The following INTS2 variants were observed in gnomAD, a reference collection of about 807,000 sequenced individuals.
The protein encoded by INTS2 is KIAA1287.
In INTS2, 57 loss-of-function variants were observed where a neutral mutation model predicts 139.6. The observed-to-expected ratio is 0.41, with a 90% CI of 0.33 to 0.51. INTS2 has a LOEUF of 0.51. INTS2 is among the 20% of genes least tolerant of loss of function. INTS2 has a pLI of 0.28. For missense variants in INTS2, 1,196 were observed against 1,436.7 expected (o/e 0.83, Z 2.71); for synonymous variants, 473 against 493.4 (o/e 0.96, Z 0.55).
rs2079098971 is a variant in INTS2 at position 61,872,724 on chromosome 17, C to T, written c.2583-264G>A. 6.6e-6 allele frequency among the ~76,000 whole-genome samples: 1 copy of T among 151,838 alleles called. No individual in the cohort carries two copies. Among genetic ancestry groups the T allele is most frequent in the Non-Finnish European group, 1.5e-5 (1 of 67,938 alleles). On this transcript the variant is annotated intron_variant, in intron 19 of 24. Transcript: ENST00000251334. This position sits in a 1 kb window ranked among gnomAD's most constrained non-coding sequence, Gnocchi z 4.8. Reference sequence around the variant, plus strand: ...ATGTAAATTCTAAAGAAAAGATGACCGGGTGCGGGCAAAACAATATTGCAT... The same window carrying T: ...ATGTAAATTCTAAAGAAAAGATGACTGGGTGCGGGCAAAACAATATTGCAT...
chr17:61,869,371 A>G lies in INTS2; in HGVS notation c.3040T>C (p.Cys1014Arg), dbSNP rs771060586. Residue 1014 changes from cysteine to arginine, a missense_variant, in exon 22 of 25, where the codon TGT becomes CGT. Coordinates refer to ENST00000251334, the MANE Select transcript of INTS2 (RefSeq NM_001351695.2). The surrounding 1 kb of genome is among the most constrained non-coding windows in gnomAD (Gnocchi z 5.4). ...AKLVHFQGYP[C>R]ELLPLTVAGI... ...GCGACCGTCAGAGGCAAAAGTTCAC[A>G]TGGATAACCCTATCTCAACAAGAAA... 1.5e-5 allele frequency: 24 copies of G among 1,598,040 alleles called. No individual in the cohort carries two copies. Among genetic ancestry groups the G allele is most frequent in the African/African-American group, 5.4e-5 (4 of 74,566 alleles).
chr17:61,927,946 C>G lies in INTS2; in HGVS notation c.-311G>C. The G allele has an allele frequency of 1.2e-6, 2 of 1,613,972 alleles. No individual in the cohort carries two copies. Among genetic ancestry groups the G allele is most frequent in the Non-Finnish European group, 1.7e-6 (2 of 1,179,880 alleles). On this transcript the variant is annotated 5_prime_UTR_variant, in exon 1 of 25. Transcript: ENST00000251334. ...CCTGCACCCAGCACCTTCATTCATCCCCAGCGTCTGACTCCCGTCGGCCAC... is the reference window on the plus strand; with the variant it reads ...CCTGCACCCAGCACCTTCATTCATCGCCAGCGTCTGACTCCCGTCGGCCAC...
At position 61,869,344 on chromosome 17, in the gene INTS2, C is replaced by T; in HGVS notation, c.3067G>A (p.Gly1023Ser). The T allele has an allele frequency of 1.2e-6, 2 of 1,606,956 alleles. No homozygotes were observed. Among genetic ancestry groups the T allele is most frequent in the East Asian group, 2.2e-5 (1 of 44,644 alleles). The part of the protein sequence containing the change: ...PCELLPLTVA[G>S]IPSMHICLDF... Reference sequence around the variant, plus strand: ...AGACAGATGTGCATAGATGGAATACCTGCGACCGTCAGAGGCAAAAGTTCA... The same window carrying T: ...AGACAGATGTGCATAGATGGAATACTTGCGACCGTCAGAGGCAAAAGTTCA... Residue 1023 changes from glycine (G) to serine (S), a missense_variant, in exon 22 of 25, where the codon GGT (glycine) becomes AGT (serine). Coordinates refer to ENST00000251334, the MANE Select transcript of INTS2 (RefSeq NM_001351695.2). This position sits in a 1 kb window ranked among gnomAD's most constrained non-coding sequence, Gnocchi z 5.4.
chr17:61,913,356 A>T (rs2143119339), intron 5 of INTS2, among the ~76,000 whole-genome samples: 1 of 152,100 alleles, frequency 6.6e-6, no homozygotes, highest in Admixed American at 6.5e-5. Flanking sequence ...AAAAAAACAA[A>T]AAAAAAGGAG....
intron 15 of INTS2, among the ~76,000 whole-genome samples, chr17:61,888,550 CGTGT>C (rs1254835230): frequency 6.1e-4 from 80 of 132,028 alleles, no homozygotes; most frequent in African/African-American, 2.4e-3. Context: ...TCTCTGTGTG[CGTGT>C]GTGTGCGTGC....
rs1219917515 is a variant in INTS2, at chr17:61,893,251, A to G, written c.1698+514T>C. Among the ~76,000 whole-genome samples the G allele has an allele frequency of 6.6e-6, 1 of 152,144 alleles. No individual in the cohort carries two copies. The highest frequency in any genetic ancestry group is 1.9e-4 in the East Asian group (1 of 5,208). On this transcript the variant is annotated intron_variant, in intron 13 of 24. Transcript: ENST00000251334. The surrounding 1 kb of genome is among the most constrained non-coding windows in gnomAD (Gnocchi z 5.4). Reference sequence around the variant, plus strand: ...AAATCTGAAATTACTGTATAATTATATAATTATAATTACTATCCCTAATTA... The same window carrying G: ...AAATCTGAAATTACTGTATAATTATGTAATTATAATTACTATCCCTAATTA...
chr17:61,881,047 A>T lies in INTS2; in HGVS notation c.2214T>A (p.Thr738=), dbSNP rs774013779. 6.2e-6 allele frequency: 10 copies of T among 1,613,790 alleles called. No homozygotes were observed. The East Asian group carries it at 2.2e-4, about 36-fold the overall frequency. Residue 738 remains threonine, a synonymous_variant, in exon 17 of 25, where the codon ACT becomes ACA. Coordinates refer to ENST00000251334, the MANE Select transcript of INTS2 (RefSeq NM_001351695.2). ...TDALLRRMLL[T]NNAKNHSPKQ... is the part of the protein sequence containing the mutation. ...TGGGAGAATGATTTTTAGCATTATT[A>T]GTCAGGAGCATTCGCCGTAGCAGGG...
chr17:61,885,603 A>G (rs8078342), intron 15 of INTS2, among the ~76,000 whole-genome samples: 18,395 of 151,820 alleles, frequency 0.12, 3,744 homozygotes, highest in African/African-American at 0.42. Context: ...TATTTTTAGT[A>G]GAGACAGCAT....
rs2079130768 is a variant in INTS2 at position 61,876,748 on chromosome 17, A to G, written c.2456+1139T>C. Among the ~76,000 whole-genome samples, 1 of 152,128 alleles carries G rather than the reference A, an allele frequency of 6.6e-6. No homozygotes were observed. Among genetic ancestry groups the G allele is most frequent in the South Asian group, 2.1e-4 (1 of 4,824 alleles). On this transcript the variant is annotated intron_variant, in intron 18 of 24. Coordinates refer to ENST00000251334, the MANE Select transcript of INTS2 (RefSeq NM_001351695.2). The surrounding 1 kb of genome is among the most constrained non-coding windows in gnomAD (Gnocchi z 4.1). ...GTGGGCCAGTGCACCCAGCCAAAAAAATGTTAATGATACATTATCTGATGT... is the reference window on the plus strand; with the variant it reads ...GTGGGCCAGTGCACCCAGCCAAAAAGATGTTAATGATACATTATCTGATGT...
At chr17:61,891,744 C>A (rs961961851) in intron 13 of INTS2, 55 bp from the exon 14 acceptor site, 8 of 1,292,674 alleles carry the variant, frequency 6.2e-6, no homozygotes, top group South Asian at 2.9e-5. Flanking sequence ...AAAAACCAAG[C>A]AAAATTATAA....
At chr17:61,896,430 A>C (rs1324783036) in intron 11 of INTS2, among the ~76,000 whole-genome samples, 1 of 152,138 alleles carries the variant, frequency 6.6e-6, no homozygotes, top group East Asian at 1.9e-4. Context: ...TCAAGAAAAA[A>C]GTAGGAGTTG....
intron 9 of INTS2, among the ~76,000 whole-genome samples, chr17:61,898,283 A>C (rs1437539743): frequency 6.6e-6 from 1 of 152,138 alleles, no homozygotes; most frequent in East Asian, 1.9e-4. Flanking sequence ...CCAGATATGA[A>C]AAATGGCTAT....
intron 3 of INTS2, among the ~76,000 whole-genome samples, chr17:61,923,477 C>CAAAA (rs933124889): frequency 4.2e-4 from 13 of 30,650 alleles, no homozygotes; most frequent in African/African-American, 1.2e-3. Flanking sequence ...ACTCTGTCTC[C>CAAAA]AAAAAAAAAA....
intron 2 of INTS2, among the ~76,000 whole-genome samples, chr17:61,925,883 G>A (rs1490061585): frequency 2.2e-4 from 33 of 151,870 alleles, no homozygotes; most frequent in Admixed American, 2.0e-3. Flanking sequence ...AAAATTAGCC[G>A]GGCATGGTGG....
intron 9 of INTS2, among the ~76,000 whole-genome samples, chr17:61,901,470 T>A (rs2143042594): frequency 7.0e-6 from 1 of 142,334 alleles, no homozygotes; most frequent in African/African-American, 2.7e-5. Context: ...CAATAGACAC[T>A]ACAAAGAAGA....
chr17:61,892,682 T>C (rs1174586260), intron 13 of INTS2, among the ~76,000 whole-genome samples: 1 of 151,572 alleles, frequency 6.6e-6, no homozygotes, highest in Non-Finnish European at 1.5e-5. Flanking sequence ...CGGTGGTTCA[T>C]GCCTGTAATC....
At position 61,925,062 on chromosome 17, in the gene INTS2, C is replaced by T; in HGVS notation, c.331G>A (p.Val111Ile). The change falls in exon 3 of 25, where the codon GTA becomes ATA. Residue 111 changes from valine (V) to isoleucine (I), a missense_variant. Coordinates refer to ENST00000251334, the MANE Select transcript of INTS2 (RefSeq NM_001351695.2). ...GTCAGTCCATGCTGAAGCTGTGATA[C>T]CAGGATGCTCTCTCCACTGCCTCCT... ...LGGGSGESIL[V>I]SQLQHGLTLE... 6.2e-7 allele frequency: 1 copy of T among 1,613,598 alleles called. No homozygotes were observed. The highest frequency in any genetic ancestry group is 8.5e-7 in the Non-Finnish European group (1 of 1,179,646).
chr17:61,901,573 A>ATTTT (rs1477309662), intron 9 of INTS2, among the ~76,000 whole-genome samples: 3 of 80,224 alleles, frequency 3.7e-5, no homozygotes. Context: ...AGGCAGAATG[A>ATTTT]TTTCTTTTTT....
At chr17:61,877,717 T>C (rs1484076876) in intron 18 of INTS2, among the ~76,000 whole-genome samples, 170 bp downstream of exon 18, 1 of 152,192 alleles carries the variant, frequency 6.6e-6, no homozygotes, top group Non-Finnish European at 1.5e-5. Context: ...TTTGCTTTAC[T>C]TAAAGATATA....
Sources: allele counts gnomAD v4.1 joint callset (sites outside exome capture counted in the v4.1 genomes callset), GRCh38; gene constraint gnomAD v4.1.1; non-coding constraint Gnocchi (gnomAD v3.1); transcripts MANE v1.5; gene names NCBI Gene and HGNC (gene_info 2026-07-23, HGNC 2026-07-21).